The following KMT2A variants were observed in gnomAD, a reference collection of about 807,000 sequenced individuals.
KMT2A encodes lysine methyltransferase 2A, also known as histone-lysine N-methyltransferase 2A.
A neutral mutation model predicts 345.3 loss-of-function variants in KMT2A; 16 were observed. The observed-to-expected ratio is 0.05, with a 90% CI of 0.03 to 0.07. The LOEUF is 0.07. Ranked by LOEUF, KMT2A falls within the 10% of genes least tolerant of loss-of-function variation. The pLI is 1.00. For missense variants in KMT2A, 3,272 were observed against 4,841.6 expected, an observed-to-expected ratio of 0.68 and a Z score of 9.62; for synonymous variants, 1,599 against 1,778.6, an observed-to-expected ratio of 0.90 and a Z score of 2.54.
intron 3 of KMT2A, among the ~76,000 whole-genome samples, chr11:118,474,860 C>T (rs1555037114): frequency 1.3e-5 from 2 of 152,074 alleles, no homozygotes. Context: ...TGCGATGGCT[C>T]ATGCCTGTAA....
rs1195439793 is a variant in KMT2A, at chr11:118,501,116, G to C, written c.6288G>C (p.Arg2096Ser). The C allele has an allele frequency of 6.2e-7, 1 of 1,614,064 alleles. No homozygotes were observed. Residue 2096 changes from arginine (R) to serine (S), a missense_variant, in exon 25 of 36, where the codon AGG (arginine) becomes AGC (serine). By Grantham distance (110) the Arg-to-Ser change is moderately radical (BLOSUM62 -1). This residue lies in a region of KMT2A where 66 missense variants were observed against 73.9 expected (regional missense o/e 0.89). Coordinates refer to ENST00000534358, the MANE Select transcript of KMT2A (RefSeq NM_001197104.2). ...GCACTGTTGAACATGATGAAAACAGGACCATTGCCCATAGTCCAACATCTT... is the reference window on the plus strand; with the variant it reads ...GCACTGTTGAACATGATGAAAACAGCACCATTGCCCATAGTCCAACATCTT... ...INSTVEHDEN[R>S]TIAHSPTSFT...
At chr11:118,453,554 T>C (rs1309695691) in intron 1 of KMT2A, among the ~76,000 whole-genome samples, 1 of 152,216 alleles carries the variant, frequency 6.6e-6, no homozygotes, top group Admixed American at 6.5e-5. Flanking sequence ...CTACACACTC[T>C]TCCTAGGTCA....
Position 118,471,850 on chromosome 11 carries a change from G to C in KMT2A, c.691G>C (p.Val231Leu). 1.9e-6 allele frequency: 3 copies of C among 1,612,156 alleles called. No homozygotes were observed. Among genetic ancestry groups the C allele is most frequent in the Non-Finnish European group, 1.7e-6 (2 of 1,179,520 alleles). The change falls in exon 3 of 36, where the codon GTA becomes CTA. Residue 231 changes from valine (V) to leucine (L), a missense_variant. Physicochemically the swap from Val to Leu is conservative, Grantham distance 32 (BLOSUM62 1). Coordinates refer to ENST00000534358, the MANE Select transcript of KMT2A (RefSeq NM_001197104.2). ...KRGRPPTFPG[V>L]KIKITHGKDI... ...AGGAAGACCTCCCACCTTCCCTGGA[G>C]TAAAAATCAAAATAACACATGGAAA...
chr11:118,493,991 G>T lies in KMT2A; in HGVS notation c.5179-297G>T, dbSNP rs149272864. ...CTCCCAAAGTGCTGGGATTACAGGC[G>T]TGAGCCACTGTTTATTTATTTTAAT... On this transcript the variant is annotated intron_variant, in intron 16 of 35. Transcript: ENST00000534358. This position sits in a 1 kb window ranked among gnomAD's most constrained non-coding sequence, Gnocchi z 5.8. Among the ~76,000 whole-genome samples, 1 of 152,150 alleles carries T rather than the reference G, an allele frequency of 6.6e-6. No homozygotes were observed. Among genetic ancestry groups the T allele is most frequent in the South Asian group, 2.1e-4 (1 of 4,834 alleles).
intron 1 of KMT2A, among the ~76,000 whole-genome samples, chr11:118,444,732 C>T (rs1223643905): frequency 6.6e-6 from 1 of 152,198 alleles, no homozygotes; most frequent in Non-Finnish European, 1.5e-5. Flanking sequence ...CACCACCACA[C>T]TCAGCTAATT....
At chr11:118,469,293 G>A (rs1949904082) in intron 2 of KMT2A, among the ~76,000 whole-genome samples, 1 of 152,090 alleles carries the variant, frequency 6.6e-6, no homozygotes, top group South Asian at 2.1e-4. Flanking sequence ...CCTAGTAAGA[G>A]TATCCTCAGA....
chr11:118,518,486 C>G (rs1950873730), intron 31 of KMT2A, among the ~76,000 whole-genome samples: 1 of 152,098 alleles, frequency 6.6e-6, no homozygotes, highest in Non-Finnish European at 1.5e-5. Context: ...TGCTTTTAAA[C>G]TTTAGTGAGG....
chr11:118,460,374 C>T (rs782479337), intron 1 of KMT2A, among the ~76,000 whole-genome samples: 4 of 152,042 alleles, frequency 2.6e-5, no homozygotes, highest in Admixed American at 6.5e-5. Context: ...CTGCAACCTC[C>T]GTCCCCCAGG....
chr11:118,511,805 C>A, intron 30 of KMT2A, 146 bp from the exon 31 acceptor site: 1 of 722,102 alleles, frequency 1.4e-6, no homozygotes, highest in Non-Finnish European at 2.4e-6. Context: ...CTGACTTAAA[C>A]TCTAAGAAAA....
At chr11:118,449,257 A>G (rs1462626972) in intron 1 of KMT2A, 1 of 152,004 alleles carries the variant, frequency 6.6e-6, no homozygotes, top group Non-Finnish European at 1.5e-5. Context: ...AAAAATAATA[A>G]GTCAAAATTG....
Position 118,472,045 on chromosome 11 carries a change from G to C in KMT2A, c.886G>C (p.Gly296Arg). 1.2e-6 allele frequency: 2 copies of C among 1,613,294 alleles called. No homozygotes were observed. The highest frequency in any genetic ancestry group is 1.7e-6 in the Non-Finnish European group (2 of 1,179,846). The change falls in exon 3 of 36, where the codon GGG becomes CGG. Residue 296 changes from glycine to arginine, a missense_variant. By Grantham distance (125) the Gly-to-Arg change is moderately radical (BLOSUM62 -2). This residue lies in a region of KMT2A where 412 missense variants were observed against 511.0 expected (regional missense o/e 0.81). Coordinates refer to ENST00000534358, the MANE Select transcript of KMT2A (RefSeq NM_001197104.2). Reference sequence around the variant, plus strand: ...AGGGAAGCTTCAAATAGGAAGGAAGGGGGTACAAATTGTACGACGGAGAGG... The same window carrying C: ...AGGGAAGCTTCAAATAGGAAGGAAGCGGGTACAAATTGTACGACGGAGAGG... ...KTGKLQIGRK[G>R]VQIVRRRGRP...
rs1951004493 is a variant in KMT2A at position 118,523,010 on chromosome 11, A to C, written c.*838A>C. ...CTGGGCATAGGATGTGCCTGCAAAA[A>C]GTTCCCTGAGCCTGTAAGCACTCCA... On this transcript the variant is annotated 3_prime_UTR_variant, in exon 36 of 36. Transcript: ENST00000534358. The C allele has an allele frequency of 4.5e-6, 1 of 220,974 alleles. No homozygotes were observed. Among genetic ancestry groups the C allele is most frequent in the African/African-American group, 2.2e-5 (1 of 44,702 alleles). The allele number at this position is 220,974 out of a possible 1,614,324, so 13.7% of individuals were successfully genotyped here.
In KMT2A at chr11:118,484,810, C is replaced by A; in HGVS notation, c.4219-52C>A. On this transcript the variant is annotated intron_variant, in intron 9 of 35. Coordinates refer to ENST00000534358, the MANE Select transcript of KMT2A (RefSeq NM_001197104.2). The surrounding 1 kb of genome is among the most constrained non-coding windows in gnomAD (Gnocchi z 4.1). ...TATGCTTTTCATCCTTATTTTCCAT[C>A]CAAAGTTGTGTAATTGTAAAACTTT... is the stretch of plus-strand genomic sequence containing the variant. The A allele has an allele frequency of 8.4e-7, 1 of 1,183,848 alleles. No individual in the cohort carries two copies. The highest frequency in any genetic ancestry group is 1.2e-5 in the South Asian group (1 of 80,968). The allele number at this position is 1,183,848 out of a possible 1,614,324, so 73.3% of individuals were successfully genotyped here.
In KMT2A at chr11:118,524,588, T is replaced by A; in HGVS notation, c.*2416T>A. The A allele has an allele frequency of 5.5e-6, 1 of 181,344 alleles. No homozygotes were observed. The highest frequency in any genetic ancestry group is 1.2e-5 in the Non-Finnish European group (1 of 84,592). 11.2% of individuals were successfully genotyped at this position (181,344 alleles called of 1,614,324 possible). On this transcript the variant is annotated 3_prime_UTR_variant, in exon 36 of 36. Transcript: ENST00000534358. Reference sequence around the variant, plus strand: ...GCACTCTACCCAGACCTCACCTCCCTTCCTCCTTTTGCCCATGAACAAGAT... The same window carrying A: ...GCACTCTACCCAGACCTCACCTCCCATCCTCCTTTTGCCCATGAACAAGAT...
rs782323499 is a variant in KMT2A, at chr11:118,473,817, G to C, written c.2658G>C (p.Arg886=). Residue 886 remains arginine (R), a synonymous_variant, in exon 3 of 36, where the codon CGG becomes CGC. Transcript: ENST00000534358. This position sits in a 1 kb window ranked among gnomAD's most constrained non-coding sequence, Gnocchi z 5.2. ...RDREREKENK[R]ESRKEKRKKG... is the part of the protein sequence containing the mutation. ...GGGAGAGAGAAAAGGAGAATAAGCG[G>C]GAGTCAAGGAAAGAGAAAAGGAAAA... The C allele has an allele frequency of 5.0e-6, 8 of 1,614,134 alleles. No homozygotes were observed. Among genetic ancestry groups the C allele is most frequent in the Non-Finnish European group, 5.9e-6 (7 of 1,180,006 alleles).
chr11:118,487,205 A>G (rs1950245463), intron 10 of KMT2A, among the ~76,000 whole-genome samples: 1 of 152,156 alleles, frequency 6.6e-6, no homozygotes, highest in African/African-American at 2.4e-5. Flanking sequence ...TTGCACCCAT[A>G]TATATGCCAC....
intron 31 of KMT2A, among the ~76,000 whole-genome samples, chr11:118,515,682 C>CTTTTTTTT (rs11374365): frequency 3.1e-5 from 3 of 97,476 alleles, no homozygotes; most frequent in African/African-American, 8.3e-5. Flanking sequence ...TTTTTCTGTC[C>CTTTTTTTT]TTTTTTTTTT....
rs1555052786 is a variant in KMT2A at position 118,519,602 on chromosome 11, C to T, written c.11147-16C>T. 2 of 1,604,248 alleles carry T rather than the reference C, an allele frequency of 1.2e-6. No individual in the cohort carries two copies. The highest frequency in any genetic ancestry group is 3.3e-5 in the Admixed American group (2 of 59,896). On this transcript the variant is annotated splice_polypyrimidine_tract_variant and intron_variant, in intron 31 of 35. Coordinates refer to ENST00000534358, the MANE Select transcript of KMT2A (RefSeq NM_001197104.2). The stretch of plus-strand genomic sequence containing the variant: ...GACTGCGCTCCTCACTTCCCTGGTG[C>T]TTCTGATTCTTCTAGGTGTTAACGG...
At chr11:118,445,033 G>T (rs1055876000) in intron 1 of KMT2A, among the ~76,000 whole-genome samples, 1 of 152,200 alleles carries the variant, frequency 6.6e-6, no homozygotes, top group South Asian at 2.1e-4. Context: ...AGAACCAAGA[G>T]ATTGAAAGGA....
Sources: allele counts gnomAD v4.1 joint callset (sites outside exome capture counted in the v4.1 genomes callset), GRCh38; gene constraint gnomAD v4.1.1; regional missense constraint gnomAD v4.1.1; non-coding constraint Gnocchi (gnomAD v3.1); transcripts MANE v1.5; gene names NCBI Gene and HGNC (gene_info 2026-07-23, HGNC 2026-07-21).